Variants in FIP1L1 observed in about 807,000 individuals in gnomAD.
The protein encoded by FIP1L1 is factor interacting with PAPOLA and CPSF1, also known as pre-mRNA 3'-end-processing factor FIP1.
In FIP1L1, 21 loss-of-function variants were observed where a neutral mutation model predicts 84.6. That is an observed-to-expected ratio of 0.25 (90% CI 0.18 to 0.36). The LOEUF (loss-of-function observed/expected upper bound fraction) is 0.36, where lower values mean the gene tolerates loss of function less well. FIP1L1 is among the 10% of genes least tolerant of loss of function. FIP1L1 has a pLI of 1.00. For missense variants in FIP1L1, 526 were observed against 751.1 expected (o/e 0.70, Z 3.50); for synonymous variants, 263 against 242.3 (o/e 1.09, Z -0.80).
intron 10 of FIP1L1, among the ~76,000 whole-genome samples, chr4:53,402,269 G>C (rs1440984837): frequency 6.6e-6 from 1 of 152,172 alleles, no homozygotes; most frequent in Non-Finnish European, 1.5e-5. Flanking sequence ...TAAAGAAAGA[G>C]TGGGAGGAAA....
At chr4:53,424,112 A>C (rs1040773855) in intron 11 of FIP1L1, among the ~76,000 whole-genome samples, 2 of 152,178 alleles carry the variant, frequency 1.3e-5, no homozygotes, top group Non-Finnish European at 2.9e-5. Flanking sequence ...TGCAAAGGAG[A>C]GAGTCCAGTG....
chr4:53,410,215 CA>C (rs1756452895), intron 10 of FIP1L1, among the ~76,000 whole-genome samples: 2 of 152,196 alleles, frequency 1.3e-5, no homozygotes, highest in African/African-American at 4.8e-5. Context: ...TAAGAGAAGA[CA>C]ACACTTCATG....
intron 9 of FIP1L1, among the ~76,000 whole-genome samples, chr4:53,398,865 G>C (rs971225453): frequency 1.3e-5 from 2 of 152,006 alleles, no homozygotes; most frequent in Admixed American, 6.6e-5. Flanking sequence ...TATTAAGAGG[G>C]AGAAGGCTGG....
At chr4:53,427,603 G>A (rs1764839565) in intron 12 of FIP1L1, among the ~76,000 whole-genome samples, 1 of 152,120 alleles carries the variant, frequency 6.6e-6, no homozygotes, top group Non-Finnish European at 1.5e-5. Flanking sequence ...TGTCTGACCT[G>A]CTGCCATGTT....
At chr4:53,449,329 A>G (rs1294776275) in intron 15 of FIP1L1, among the ~76,000 whole-genome samples, 1 of 152,126 alleles carries the variant, frequency 6.6e-6, no homozygotes, top group Non-Finnish European at 1.5e-5. Flanking sequence ...TTATAAAACT[A>G]TGAATAGGTA....
intron 11 of FIP1L1, among the ~76,000 whole-genome samples, chr4:53,423,404 G>T (rs1763141031): frequency 6.6e-6 from 1 of 152,168 alleles, no homozygotes; most frequent in South Asian, 2.1e-4. Context: ...AGTTACAGTA[G>T]ATTTCCTCAT....
chr4:53,436,435 T>A (rs1769237069), intron 13 of FIP1L1, among the ~76,000 whole-genome samples: 1 of 152,206 alleles, frequency 6.6e-6, no homozygotes, highest in Admixed American at 6.5e-5. Flanking sequence ...TCTTAATATG[T>A]TAGCTTGCTT....
intron 16 of FIP1L1, among the ~76,000 whole-genome samples, chr4:53,457,236 C>T (rs988443305): frequency 3.9e-5 from 6 of 152,062 alleles, no homozygotes; most frequent in African/African-American, 1.4e-4. Context: ...CTCGGTCACT[C>T]ATTTAGTAAG....
At chr4:53,404,713 G>A (rs1752273853) in intron 10 of FIP1L1, among the ~76,000 whole-genome samples, 1 of 152,172 alleles carries the variant, frequency 6.6e-6, no homozygotes, top group Admixed American at 6.5e-5. Context: ...TCTAACTGGT[G>A]TGAGATGCTA....
intron 12 of FIP1L1, among the ~76,000 whole-genome samples, chr4:53,426,749 C>T (rs997398533): frequency 6.6e-6 from 1 of 152,088 alleles, no homozygotes; most frequent in African/African-American, 2.4e-5. Context: ...ATTAAAATAT[C>T]TTCATGATAG....
At chr4:53,378,894 A>C in intron 1 of FIP1L1, 179 bp from the exon 2 acceptor site, 2 of 641,876 alleles carry the variant, frequency 3.1e-6, no homozygotes, top group South Asian at 4.6e-5. Flanking sequence ...AAGATTTAGC[A>C]TTAGTTACTA....
rs184197833 is a variant in FIP1L1, at chr4:53,439,030, A to T, written c.1175-3623A>T. Among the ~76,000 whole-genome samples the T allele has an allele frequency of 8.9e-4, 135 of 152,274 alleles. 1 individual carries two copies. Among genetic ancestry groups the T allele is most frequent in the Middle Eastern group, 6.8e-3 (2 of 294 alleles). On this transcript the variant is annotated intron_variant, in intron 13 of 17. Transcript: ENST00000337488. ...ATCTGTATCTTATAAATCTACGAAAATAATCATGTATTTACTTATGAAAAC... is the reference window on the plus strand; with the variant it reads ...ATCTGTATCTTATAAATCTACGAAATTAATCATGTATTTACTTATGAAAAC...
chr4:53,389,731 T>C, intron 5 of FIP1L1, 78 bp from the exon 6 acceptor site: 1 of 1,057,586 alleles, frequency 9.5e-7, no homozygotes, highest in Non-Finnish European at 1.4e-6. Context: ...ATAATTTGTT[T>C]GTACAAATGG....
intron 10 of FIP1L1, among the ~76,000 whole-genome samples, chr4:53,409,292 G>A (rs112584688): frequency 4.6e-5 from 7 of 152,298 alleles, no homozygotes; most frequent in African/African-American, 1.4e-4. Flanking sequence ...TACCAGCAGC[G>A]GTGGCTGCAG....
intron 16 of FIP1L1, among the ~76,000 whole-genome samples, chr4:53,453,500 G>T (rs1398637150): frequency 6.6e-6 from 1 of 152,100 alleles, no homozygotes; most frequent in Non-Finnish European, 1.5e-5. Flanking sequence ...TTTAGAGACG[G>T]TCTTGCTTTG....
Position 53,391,076 on chromosome 4 carries a change from A to T in FIP1L1, c.573A>T (p.Lys191Asn). 6.2e-7 allele frequency: 1 copy of T among 1,611,800 alleles called. No individual in the cohort carries two copies. The highest frequency in any genetic ancestry group is 1.1e-5 in the South Asian group (1 of 90,680). The change falls in exon 8 of 18, where the codon AAA becomes AAT. Residue 191 changes from lysine (K) to asparagine (N), a missense_variant. Lys to Asn is a moderately conservative substitution (Grantham distance 94). Coordinates refer to ENST00000337488, the MANE Select transcript of FIP1L1 (RefSeq NM_030917.4). The part of the protein sequence containing the change: ...NEDTWKAYCE[K>N]QKRIRMGLEV... Reference sequence around the variant, plus strand: ...ATACCTGGAAAGCTTACTGTGAAAAACAAAAGAGGATACGAATGGGACTTG... The same window carrying T: ...ATACCTGGAAAGCTTACTGTGAAAATCAAAAGAGGATACGAATGGGACTTG...
chr4:53,394,284 C>G (rs138200041), intron 9 of FIP1L1, among the ~76,000 whole-genome samples: 79 of 152,196 alleles, frequency 5.2e-4, no homozygotes, highest in African/African-American at 1.8e-3. Flanking sequence ...CTGACTTAGA[C>G]TTTTCTGAAA....
chr4:53,378,814 A>G (rs1560476890), intron 1 of FIP1L1: 1 of 478,330 alleles, frequency 2.1e-6, no homozygotes, highest in East Asian at 3.5e-5. Context: ...GTAAAAGTGC[A>G]CTTTGGGCAC....
chr4:53,377,874 G>T lies in FIP1L1; in HGVS notation c.36G>T (p.Glu12Asp). 6.2e-7 allele frequency: 1 copy of T among 1,602,966 alleles called. No homozygotes were observed. Among genetic ancestry groups the T allele is most frequent in the East Asian group, 2.3e-5 (1 of 44,276 alleles). ...SAGEVERLVS[E>D]LSGGTGGDEE... The stretch of plus-strand genomic sequence containing the variant: ...GCGAGGTCGAGCGCCTAGTGTCGGA[G>T]CTGAGCGGCGGGACCGGAGGGGATG... Residue 12 changes from glutamate to aspartate, a missense_variant, in exon 1 of 18, where the codon GAG becomes GAT. By Grantham distance (45) the Glu-to-Asp change is conservative. Around this residue, in one of 6 missense-constraint regions of FIP1L1, gnomAD observed 100 missense variants for 107.2 expected, o/e 0.93. Coordinates refer to ENST00000337488, the MANE Select transcript of FIP1L1 (RefSeq NM_030917.4).
Sources: gnomAD v4.1 joint callset for allele counts (sites outside exome capture counted in the v4.1 genomes callset) on GRCh38, gnomAD v4.1.1 for gene constraint, gnomAD v4.1.1 regional missense constraint, MANE v1.5 for transcripts, NCBI Gene and HGNC (gene_info 2026-07-23, HGNC 2026-07-21) for gene names.